The following DLG2 variants were observed in gnomAD, a reference collection of about 807,000 sequenced individuals.
The protein encoded by DLG2 is disks large homolog 2.
In DLG2, 45 loss-of-function variants were observed where a neutral mutation model predicts 132.5. The ratio of observed to expected loss-of-function variants is 0.34; its 90% CI spans 0.27 to 0.44. The LOEUF (loss-of-function observed/expected upper bound fraction) is 0.44, where lower values mean the gene tolerates loss of function less well. DLG2 is among the 20% of genes least tolerant of loss of function. The pLI is 1.00. For missense variants in DLG2, 1,045 were observed against 1,196.9 expected (o/e 0.87, Z 1.87); for synonymous variants, 424 against 419.6 (o/e 1.01, Z -0.13).
At chr11:85,344,614 T>C (rs570338488) in intron 3 of DLG2, among the ~76,000 whole-genome samples, 1 of 152,280 alleles carries the variant, frequency 6.6e-6, no homozygotes, top group African/African-American at 2.4e-5. Flanking sequence ...TTATGCAATA[T>C]TGCTTATTCT....
At position 84,731,763 on chromosome 11, in the gene DLG2, C is replaced by G. The variant is rs1391725516; in HGVS notation, c.358-197032G>C. 3.3e-5 allele frequency among the ~76,000 whole-genome samples: 5 copies of G among 151,932 alleles called. No individual in the cohort carries two copies. The East Asian group carries it at 9.6e-4, about 29-fold the overall frequency. On this transcript the variant is annotated intron_variant, in intron 6 of 27. Coordinates refer to ENST00000376104, the MANE Select transcript of DLG2 (RefSeq NM_001142699.3). ...AAACTACAGAAGAAATATTTTAAAG[C>G]AGATTTATTGGCGTAGAACTGACAT...
intron 7 of DLG2, among the ~76,000 whole-genome samples, chr11:84,337,159 G>A (rs192772225): frequency 3.7e-4 from 57 of 152,212 alleles, no homozygotes; most frequent in Admixed American, 8.5e-4. Flanking sequence ...ATAAAATTAC[G>A]TTATGGGCTA....
intron 7 of DLG2, among the ~76,000 whole-genome samples, chr11:84,502,262 CCTTCCTT>C (rs2099214896): frequency 2.1e-5 from 1 of 47,412 alleles, no homozygotes; most frequent in Non-Finnish European, 3.6e-5. Flanking sequence ...TTCCTTCCTT[CCTTCCTT>C]CCTTCCTTCC....
chr11:84,117,125 C>T (rs985834858), intron 9 of DLG2, among the ~76,000 whole-genome samples: 4 of 152,192 alleles, frequency 2.6e-5, no homozygotes, highest in African/African-American at 9.6e-5. Flanking sequence ...CTCACTTGAT[C>T]TCACGCACCC....
At chr11:83,891,703 G>A (rs966606201) in intron 15 of DLG2, among the ~76,000 whole-genome samples, 2 of 152,156 alleles carry the variant, frequency 1.3e-5, no homozygotes, top group Non-Finnish European at 2.9e-5. Context: ...TACCCTGACA[G>A]GGGAATGCCA....
intron 3 of DLG2, among the ~76,000 whole-genome samples, chr11:85,519,343 G>T (rs958253775): frequency 6.6e-6 from 1 of 152,214 alleles, no homozygotes; most frequent in African/African-American, 2.4e-5. Context: ...CCCCCTTCTT[G>T]CTTCAGAGTG....
chr11:85,243,676 A>ATT (rs2076002341), intron 4 of DLG2, among the ~76,000 whole-genome samples: 1 of 151,962 alleles, frequency 6.6e-6, no homozygotes, highest in Admixed American at 6.6e-5. Flanking sequence ...TATGCCAAAA[A>ATT]CAAATAAAGA....
At chr11:85,369,607 C>T (rs570608357) in intron 3 of DLG2, among the ~76,000 whole-genome samples, 60 of 152,282 alleles carry the variant, frequency 3.9e-4, no homozygotes, top group African/African-American at 1.4e-3. Flanking sequence ...TGTGCTTTGC[C>T]TGTCTGCATG....
chr11:84,656,047 A>G (rs971701209), intron 6 of DLG2, among the ~76,000 whole-genome samples: 2 of 152,134 alleles, frequency 1.3e-5, no homozygotes, highest in African/African-American at 2.4e-5. Flanking sequence ...GTCAATTTTC[A>G]TTATGTACAA....
intron 7 of DLG2, among the ~76,000 whole-genome samples, chr11:84,364,680 G>T (rs1035346561): frequency 6.6e-6 from 1 of 152,026 alleles, no homozygotes; most frequent in African/African-American, 2.4e-5. Context: ...TTTGAGATAC[G>T]TCCCATCAAT....
chr11:85,450,358 G>A (rs1565507518), intron 3 of DLG2, among the ~76,000 whole-genome samples: 1 of 151,994 alleles, frequency 6.6e-6, no homozygotes, highest in East Asian at 1.9e-4. Context: ...TGGGTTCTCA[G>A]AGATATCTTC....
intron 6 of DLG2, among the ~76,000 whole-genome samples, chr11:84,974,655 G>T (rs982944484): frequency 6.6e-6 from 1 of 152,176 alleles, no homozygotes; most frequent in Non-Finnish European, 1.5e-5. Flanking sequence ...GAGTGCTACT[G>T]CATCTCTACC....
chr11:85,096,625 G>A (rs958544202), intron 6 of DLG2, among the ~76,000 whole-genome samples: 13 of 152,110 alleles, frequency 8.5e-5, no homozygotes, highest in Admixed American at 5.2e-4. Flanking sequence ...CCACCAGAAG[G>A]AATAAACTCT....
At chr11:84,496,088 T>A (rs2099182704) in intron 7 of DLG2, among the ~76,000 whole-genome samples, 1 of 152,138 alleles carries the variant, frequency 6.6e-6, no homozygotes, top group South Asian at 2.1e-4. Context: ...AGCAGCTGTG[T>A]GTAGGTGGAG....
intron 4 of DLG2, among the ~76,000 whole-genome samples, chr11:85,267,141 G>A (rs1466995251): frequency 6.6e-6 from 1 of 152,156 alleles, no homozygotes; most frequent in African/African-American, 2.4e-5. Flanking sequence ...TGGGTCATGA[G>A]GGTAGAGTAA....
intron 18 of DLG2, chr11:83,684,427 A>G (rs2079367844): frequency 6.6e-6 from 1 of 152,180 alleles, no homozygotes; most frequent in Non-Finnish European, 1.5e-5. Flanking sequence ...GCTCACATAC[A>G]GTCTGTTCTC....
At chr11:84,008,059 T>A (rs920445882) in intron 11 of DLG2, among the ~76,000 whole-genome samples, 1 of 151,926 alleles carries the variant, frequency 6.6e-6, no homozygotes, top group Middle Eastern at 3.4e-3. Flanking sequence ...AATACTAGAA[T>A]ATAAAATGAG....
chr11:85,077,222 A>G (rs952126632), intron 6 of DLG2, among the ~76,000 whole-genome samples: 2 of 152,038 alleles, frequency 1.3e-5, no homozygotes, highest in African/African-American at 2.4e-5. Flanking sequence ...AATGATATGA[A>G]AAAAGGTGTT....
chr11:83,748,659 T>C (rs1174383480), intron 18 of DLG2, among the ~76,000 whole-genome samples: 5 of 152,238 alleles, frequency 3.3e-5, no homozygotes, highest in African/African-American at 1.2e-4. Flanking sequence ...GAAGACAATG[T>C]TTAAACTGAT....
Sources: gnomAD v4.1 joint callset for allele counts (sites outside exome capture counted in the v4.1 genomes callset) on GRCh38, gnomAD v4.1.1 for gene constraint, MANE v1.5 for transcripts, NCBI Gene and HGNC (gene_info 2026-07-23, HGNC 2026-07-21) for gene names.